The following KLHL11 variants were observed in gnomAD, a reference collection of about 807,000 sequenced individuals.
KLHL11 encodes kelch-like protein 11.
KLHL11 carries 26 observed loss-of-function variants against 56.1 expected under a neutral mutation model. The ratio of observed to expected loss-of-function variants is 0.46; its 90% confidence interval spans 0.34 to 0.64. The LOEUF (loss-of-function observed/expected upper bound fraction) is 0.64. Among genes scored for constraint, KLHL11 ranks in the 30% least tolerant of loss-of-function variants. The probability of loss-of-function intolerance (pLI) is 0.01; values close to 1 mark genes in which losing one functional copy is unlikely to be tolerated. For missense variants in KLHL11, 627 were observed against 919.4 expected (o/e 0.68, Z 4.11); for synonymous variants, 338 against 345.8 (o/e 0.98, Z 0.25).
At position 41,853,876 on chromosome 17, in the gene KLHL11, C is replaced by T; in HGVS notation, c.1991G>A (p.Arg664Gln). 2 of 1,614,090 alleles carry T rather than the reference C, an allele frequency of 1.2e-6. No individual in the cohort carries two copies. The highest frequency in any genetic ancestry group is 1.7e-6 in the Non-Finnish European group (2 of 1,180,024). ...ATACHVRIPYRYLHGTQRYPM... is the reference protein window; with the variant it reads ...ATACHVRIPYQYLHGTQRYPM... Reference sequence around the variant, plus strand: ...GTATCTCTGTGTGCCATGCAAGTACCGGTATGGGATCCTCACGTGACAAGC... The same window carrying T: ...GTATCTCTGTGTGCCATGCAAGTACTGGTATGGGATCCTCACGTGACAAGC... The change falls in exon 2 of 2, where the codon CGG becomes CAG. Residue 664 changes from arginine to glutamine, a missense_variant. By Grantham distance (43) the Arg-to-Gln change is conservative. Transcript: ENST00000319121.
chr17:41,853,561 T>C lies in KLHL11; in HGVS notation c.*179A>G. ...AGACAAAAATTGCAAGCTAACAAAA[T>C]GACCATGTATTGAACTGAGTCTCCC... On this transcript the variant is annotated 3_prime_UTR_variant, in exon 2 of 2. Transcript: ENST00000319121. 1.6e-6 allele frequency: 1 copy of C among 617,554 alleles called. No homozygotes were observed. Among genetic ancestry groups the C allele is most frequent in the East Asian group, 3.1e-5 (1 of 32,424 alleles). 38.3% of individuals were successfully genotyped at this position (617,554 alleles called of 1,614,324 possible). A position where few individuals can be genotyped will look rare whatever the true frequency, so the allele number is the denominator to read the frequency against.
rs1431802665 is a variant in KLHL11, at chr17:41,849,180, A to C, written c.*4560T>G. ...CTGAATTGTTTCTCAAATATTTTGC[A>C]GTTAAAGCACCCTCTGGTGTAGACA... is the stretch of plus-strand genomic sequence containing the variant. On this transcript the variant is annotated 3_prime_UTR_variant, in exon 2 of 2. Transcript: ENST00000319121. 1 of 152,200 alleles carries C rather than the reference A, an allele frequency of 6.6e-6. No homozygotes were observed. The highest frequency in any genetic ancestry group is 1.5e-5 in the Non-Finnish European group (1 of 68,036). The allele number at this position is 152,200 out of a possible 1,614,324, so 9.4% of individuals were successfully genotyped here.
rs974882912 is a variant in KLHL11 at position 41,864,807 on chromosome 17, T to C, written c.545+19A>G. On this transcript the variant is annotated intron_variant, in intron 1 of 1. Coordinates refer to ENST00000319121, the MANE Select transcript of KLHL11 (RefSeq NM_018143.3). ...TCTCCGCGCCCGCCGCCCTCCGCGC[T>C]CCCGCCTCCCTCGCCTACCTGTCGG... The C allele has an allele frequency of 4.1e-6, 6 of 1,477,754 alleles. No individual in the cohort carries two copies. The African/African-American group carries it at 5.8e-5, about 14-fold the overall frequency. The allele number at this position is 1,477,754 out of a possible 1,614,324, so 91.5% of individuals were successfully genotyped here. A position where few individuals can be genotyped will look rare whatever the true frequency, so the allele number is the denominator to read the frequency against.
chr17:41,854,184 T>C lies in KLHL11; in HGVS notation c.1683A>G (p.Thr561=). The part of the protein sequence containing the change: ...MSVVNSNFYQ[T]ASCCPKSYCL... ...AATAACTCTTGGGACAACATGATGC[T>C]GTCTGATAAAAGTTTGAATTGACCA... The change falls in exon 2 of 2, where the codon ACA becomes ACG. Residue 561 remains threonine (T), a synonymous_variant. Transcript: ENST00000319121. The surrounding 1 kb of genome is among the most constrained non-coding windows in gnomAD (Gnocchi z 4.9). 1 of 1,614,214 alleles carries C rather than the reference T, an allele frequency of 6.2e-7. No individual in the cohort carries two copies. Among genetic ancestry groups the C allele is most frequent in the Admixed American group, 1.7e-5 (1 of 60,026 alleles).
In KLHL11 at chr17:41,852,277, A is replaced by G. The variant is rs372011743; in HGVS notation, c.*1463T>C. ...AAATCTGCCCACCTCAGCCTCCTCC[A>G]AAGTGTTGGGATTACAGTCATGAGC... is the stretch of plus-strand genomic sequence containing the variant. On this transcript the variant is annotated 3_prime_UTR_variant, in exon 2 of 2. Coordinates refer to ENST00000319121, the MANE Select transcript of KLHL11 (RefSeq NM_018143.3). 1.3e-5 allele frequency among the ~76,000 whole-genome samples: 2 copies of G among 151,920 alleles called. No individual in the cohort carries two copies. Among genetic ancestry groups the G allele is most frequent in the East Asian group, 3.9e-4 (2 of 5,124 alleles).
chr17:41,852,709 C>T lies in KLHL11; in HGVS notation c.*1031G>A, dbSNP rs572484363. 1.3e-4 allele frequency among the ~76,000 whole-genome samples: 20 copies of T among 149,106 alleles called. No individual in the cohort carries two copies. The South Asian group carries it at 3.2e-3, about 24-fold the overall frequency. On this transcript the variant is annotated 3_prime_UTR_variant, in exon 2 of 2. Transcript: ENST00000319121. Reference sequence around the variant, plus strand: ...GGGATGCTGAGGCAAGAGAATCACTCGAACCTGGCAGGCAGAGGTTGCAGT... The same window carrying T: ...GGGATGCTGAGGCAAGAGAATCACTTGAACCTGGCAGGCAGAGGTTGCAGT...
chr17:41,861,608 C>T (rs1440272440), intron 1 of KLHL11, among the ~76,000 whole-genome samples: 2 of 147,946 alleles, frequency 1.4e-5, no homozygotes, highest in Non-Finnish European at 3.0e-5. Flanking sequence ...ATCGCTTGAA[C>T]CCGGCAGGCA....
intron 1 of KLHL11, among the ~76,000 whole-genome samples, chr17:41,857,283 G>C (rs1470505515): frequency 6.6e-6 from 1 of 151,818 alleles, no homozygotes; most frequent in Non-Finnish European, 1.5e-5. Context: ...AAGGCGGGTG[G>C]ACCATGAGGT....
intron 1 of KLHL11, among the ~76,000 whole-genome samples, chr17:41,862,664 T>C (rs2048411806): frequency 6.6e-6 from 1 of 152,118 alleles, no homozygotes; most frequent in Admixed American, 6.5e-5. Context: ...CCTCTCAAAG[T>C]GCTGAGATTA....
chr17:41,863,927 T>C (rs1237914551), intron 1 of KLHL11, among the ~76,000 whole-genome samples: 1 of 152,160 alleles, frequency 6.6e-6, no homozygotes, highest in Non-Finnish European at 1.5e-5. Context: ...CAACAGGCTA[T>C]ACATTTAACA....
Position 41,854,990 on chromosome 17 carries a change from T to C in KLHL11, c.877A>G (p.Arg293Gly). 1 of 1,614,156 alleles carries C rather than the reference T, an allele frequency of 6.2e-7. No homozygotes were observed. The highest frequency in any genetic ancestry group is 8.5e-7 in the Non-Finnish European group (1 of 1,180,014). The change falls in exon 2 of 2, where the codon AGG becomes GGG. Residue 293 changes from arginine to glycine, a missense_variant. Coordinates refer to ENST00000319121, the MANE Select transcript of KLHL11 (RefSeq NM_018143.3). This position sits in a 1 kb window ranked among gnomAD's most constrained non-coding sequence, Gnocchi z 4.9. ...TAGGTAGGTTTCATCTGGGACAACC[T>C]GAGCAATTTAAAAAGTTCTTCAAAG... is the stretch of plus-strand genomic sequence containing the variant. ...RYFEELFKLLRLSQMKPTYLT... is the reference protein window; with the variant it reads ...RYFEELFKLLGLSQMKPTYLT...
Position 41,853,817 on chromosome 17 carries a change from G to A in KLHL11, c.2050C>T (p.Arg684Cys). 1 of 1,614,084 alleles carries A rather than the reference G, an allele frequency of 6.2e-7. No individual in the cohort carries two copies. Among genetic ancestry groups the A allele is most frequent in the Non-Finnish European group, 8.5e-7 (1 of 1,179,994 alleles). Residue 684 changes from arginine to cysteine, a missense_variant, in exon 2 of 2, where the codon CGC becomes TGC. This residue lies in a region of KLHL11 where 250 missense variants were observed against 360.6 expected (regional missense o/e 0.69). Transcript: ENST00000319121. ...TGTATCTCTTGCATCTGTCTGATGC[G>A]GTCCTTCTGCCACATCAGGTTTTGA... ...MPQNLMWQKD[R>C]IRQMQEIHRH...
At position 41,853,993 on chromosome 17, in the gene KLHL11, T is replaced by C; in HGVS notation, c.1874A>G (p.Lys625Arg). The change falls in exon 2 of 2, where the codon AAA (lysine) becomes AGA (arginine). Residue 625 changes from lysine (K) to arginine (R), a missense_variant. Physicochemically the swap from Lys to Arg is conservative, Grantham distance 26. Transcript: ENST00000319121. ...GGWKNSDDID[K>R]QYRKEAYRYC... ...TCGGTAGGCTTCTTTCCGATACTGT[T>C]TATCAATATCATCACTGTTTTTCCA... 1 of 1,614,192 alleles carries C rather than the reference T, an allele frequency of 6.2e-7. No individual in the cohort carries two copies. Among genetic ancestry groups the C allele is most frequent in the Non-Finnish European group, 8.5e-7 (1 of 1,180,030 alleles).
At chr17:41,864,703 GA>G in intron 1 of KLHL11, 122 bp downstream of exon 1, 1 of 1,041,856 alleles carries the variant, frequency 9.6e-7, no homozygotes, top group Non-Finnish European at 1.3e-6. Flanking sequence ...CAGCGAGTGT[GA>G]AACCAATGCA....
At chr17:41,858,389 GAT>G (rs782184694) in intron 1 of KLHL11, among the ~76,000 whole-genome samples, 2 of 92,544 alleles carry the variant, frequency 2.2e-5, no homozygotes, top group African/African-American at 3.5e-5. Context: ...ACCAAACCCA[GAT>G]ATATATATAT....
Position 41,865,012 on chromosome 17 carries a change from T to A in KLHL11, c.359A>T (p.Glu120Val). ...GCCCGAGAGCAGGGGCGTGAAGTAC[T>A]CGGTGGCGGCAGCCAGTACCGAGCG... is the stretch of plus-strand genomic sequence containing the variant. ...AHRSVLAAAT[E>V]YFTPLLSGQF... is the part of the protein sequence containing the mutation. Residue 120 changes from glutamate (E) to valine (V), a missense_variant, in exon 1 of 2, where the codon GAG becomes GTG. Glu to Val is a moderately radical substitution (Grantham distance 121). This residue lies in a region of KLHL11 where 150 missense variants were observed against 215.7 expected (regional missense o/e 0.70). Coordinates refer to ENST00000319121, the MANE Select transcript of KLHL11 (RefSeq NM_018143.3). 1 of 1,601,760 alleles carries A rather than the reference T, an allele frequency of 6.2e-7. No homozygotes were observed. Among genetic ancestry groups the A allele is most frequent in the Non-Finnish European group, 8.5e-7 (1 of 1,173,336 alleles).
At chr17:41,860,311 T>C (rs1393823648) in intron 1 of KLHL11, among the ~76,000 whole-genome samples, 7 of 150,494 alleles carry the variant, frequency 4.7e-5, no homozygotes, top group Non-Finnish European at 4.4e-5. Flanking sequence ...TGAGGGGCAT[T>C]GTGCACATCC....
chr17:41,855,754 C>T (rs184447157), intron 1 of KLHL11, among the ~76,000 whole-genome samples: 1 of 148,592 alleles, frequency 6.7e-6, no homozygotes, highest in Non-Finnish European at 1.5e-5. Flanking sequence ...TCATGGCAAC[C>T]TCCGTCTCCC....
chr17:41,854,191 T>C lies in KLHL11; in HGVS notation c.1676A>G (p.Tyr559Cys). Residue 559 changes from tyrosine (Y) to cysteine (C), a missense_variant, in exon 2 of 2, where the codon TAT becomes TGT. Tyr to Cys is a radical substitution (Grantham distance 194). Coordinates refer to ENST00000319121, the MANE Select transcript of KLHL11 (RefSeq NM_018143.3). This position sits in a 1 kb window ranked among gnomAD's most constrained non-coding sequence, Gnocchi z 4.9. ...CTTGGGACAACATGATGCTGTCTGA[T>C]AAAAGTTTGAATTGACCACAGACAT... ...FQMSVVNSNF[Y>C]QTASCCPKSY... 1 of 1,614,160 alleles carries C rather than the reference T, an allele frequency of 6.2e-7. No homozygotes were observed. The highest frequency in any genetic ancestry group is 2.2e-5 in the East Asian group (1 of 44,886).
Sources: gnomAD v4.1 joint callset for allele counts (sites outside exome capture counted in the v4.1 genomes callset) on GRCh38, gnomAD v4.1.1 for gene constraint, gnomAD v4.1.1 regional missense constraint, Gnocchi (gnomAD v3.1) non-coding constraint, MANE v1.5 for transcripts, NCBI Gene and HGNC (gene_info 2026-07-23, HGNC 2026-07-21) for gene names.